Variants in RARB observed in about 807,000 individuals in gnomAD.
RARB encodes the protein retinoic acid receptor beta.
In RARB, 17 loss-of-function variants were observed where a neutral mutation model predicts 51.9. That is an observed-to-expected ratio of 0.33 (90% CI 0.22 to 0.49). The LOEUF (loss-of-function observed/expected upper bound fraction) is 0.49. RARB is among the 20% of genes least tolerant of loss of function. The pLI is 0.99. For missense variants in RARB, 369 were observed against 550.8 expected (o/e 0.67, Z 3.30); for synonymous variants, 215 against 195.4 (o/e 1.10, Z -0.84).
At chr3:25,275,219 T>C (rs1703352521) in intron 5 of RARB, among the ~76,000 whole-genome samples, 1 of 152,036 alleles carries the variant, frequency 6.6e-6, no homozygotes, top group South Asian at 2.1e-4. Context: ...CCCAACACTT[T>C]GGGAGGTCAA....
At chr3:25,518,299 G>C (rs1333395360) in intron 3 of RARB, among the ~76,000 whole-genome samples, 1 of 151,694 alleles carries the variant, frequency 6.6e-6, no homozygotes, top group Non-Finnish European at 1.5e-5. Context: ...AGCTAAAAGG[G>C]GACAAGTTCA....
intron 2 of RARB, among the ~76,000 whole-genome samples, chr3:24,963,879 GC>G (rs554901995): frequency 9.1e-5 from 13 of 142,366 alleles, no homozygotes; most frequent in Non-Finnish European, 2.1e-4. Flanking sequence ...AAGTCCAACT[GC>G]ATTTTGGTAG....
At chr3:25,208,537 C>T (rs1294029674) in intron 5 of RARB, among the ~76,000 whole-genome samples, 2 of 152,052 alleles carry the variant, frequency 1.3e-5, no homozygotes, top group African/African-American at 4.8e-5. Flanking sequence ...AGGATGTTGT[C>T]TCATCCTAAA....
intron 2 of RARB, among the ~76,000 whole-genome samples, chr3:24,921,068 G>C (rs576790181): frequency 6.6e-6 from 1 of 152,122 alleles, no homozygotes; most frequent in Admixed American, 6.6e-5. Context: ...GGTCAAGGTG[G>C]CACCTGTCTG....
intron 5 of RARB, among the ~76,000 whole-genome samples, chr3:25,399,058 C>G (rs1191602218): frequency 2.0e-5 from 3 of 152,264 alleles, no homozygotes; most frequent in Admixed American, 2.0e-4. Context: ...GGGCTCTTTT[C>G]ACTCTACCAT....
At chr3:25,464,657 T>C (rs553775185) in intron 2 of RARB, among the ~76,000 whole-genome samples, 106 of 152,014 alleles carry the variant, frequency 7.0e-4, no homozygotes, top group African/African-American at 2.5e-3. Flanking sequence ...AAATATAACT[T>C]TAAAAAAATT....
chr3:25,277,406 A>G (rs1437158671), intron 5 of RARB, among the ~76,000 whole-genome samples: 1 of 152,218 alleles, frequency 6.6e-6, no homozygotes, highest in East Asian at 1.9e-4. Flanking sequence ...CACTTGCAGA[A>G]GTGGAAAGAC....
At chr3:25,098,278 C>T (rs1490913855) in intron 3 of RARB, among the ~76,000 whole-genome samples, 1 of 152,164 alleles carries the variant, frequency 6.6e-6, no homozygotes, top group Non-Finnish European at 1.5e-5. Flanking sequence ...GCCTACCTTC[C>T]AGAAAGATTT....
At chr3:25,137,840 C>T (rs1457079912) in intron 4 of RARB, among the ~76,000 whole-genome samples, 2 of 152,058 alleles carry the variant, frequency 1.3e-5, no homozygotes, top group African/African-American at 4.8e-5. Context: ...GGCCCACAGC[C>T]ATGACTGAGA....
Position 25,178,115 on chromosome 3 carries a change from G to A in RARB, c.178+3540G>A, listed in dbSNP as rs930476915. On this transcript the variant is annotated intron_variant, in intron 5 of 11. Transcript: ENST00000383772. ...GATCATTTGTGACCACTCACAATTC[G>A]TAGGGGAAGATGTGGCCACTTTTCC... 3.9e-5 allele frequency among the ~76,000 whole-genome samples: 6 copies of A among 152,060 alleles called. No homozygotes were observed. The South Asian group carries it at 8.3e-4, about 21-fold the overall frequency.
intron 5 of RARB, among the ~76,000 whole-genome samples, chr3:25,226,833 C>T (rs570612018): frequency 1.8e-4 from 28 of 152,150 alleles, no homozygotes; most frequent in Non-Finnish European, 3.5e-4. Context: ...ATGTAGGGAG[C>T]TTGGAACTAC....
At chr3:25,356,035 A>G (rs888930956) in intron 5 of RARB, among the ~76,000 whole-genome samples, 1 of 152,146 alleles carries the variant, frequency 6.6e-6, no homozygotes, top group Non-Finnish European at 1.5e-5. Flanking sequence ...TCTATTTGCA[A>G]GTTAATAGAA....
intron 1 of RARB, among the ~76,000 whole-genome samples, chr3:25,453,864 C>T (rs1006566760): frequency 2.6e-5 from 4 of 152,184 alleles, no homozygotes; most frequent in African/African-American, 9.6e-5. Context: ...TCCTCCCTCT[C>T]TAGCCACCCC....
chr3:24,894,071 A>G (rs1285065375), intron 2 of RARB, among the ~76,000 whole-genome samples: 1 of 152,118 alleles, frequency 6.6e-6, no homozygotes, highest in Non-Finnish European at 1.5e-5. Context: ...TTTCCTATAC[A>G]TTTTTAGTCT....
chr3:25,309,114 G>A (rs927983450), intron 5 of RARB, among the ~76,000 whole-genome samples: 14 of 148,094 alleles, frequency 9.5e-5, no homozygotes, highest in East Asian at 5.9e-4. Context: ...TCATTTCTGC[G>A]TGGACTGTGC....
Position 25,428,722 on chromosome 3 carries a change from A to G in RARB, c.-10A>G. ...AAGCACTTTTGCAGACATTCAGTGC[A>G]AGGGAGATCATGTTTGACTGTATGG... On this transcript the variant is annotated 5_prime_UTR_variant, in exon 1 of 8. Transcript: ENST00000330688. 2 of 1,612,920 alleles carry G rather than the reference A, an allele frequency of 1.2e-6. No individual in the cohort carries two copies. Among genetic ancestry groups the G allele is most frequent in the Non-Finnish European group, 1.7e-6 (2 of 1,179,074 alleles).
At chr3:25,275,281 CA>C (rs1476003168) in intron 5 of RARB, among the ~76,000 whole-genome samples, 2 of 152,132 alleles carry the variant, frequency 1.3e-5, no homozygotes, top group Admixed American at 6.5e-5. Flanking sequence ...GGGCACATGG[CA>C]AAACCCTGTC....
chr3:25,130,558 T>C (rs1215629226), intron 3 of RARB, among the ~76,000 whole-genome samples: 1 of 151,960 alleles, frequency 6.6e-6, no homozygotes. Context: ...GCGCACTGCA[T>C]TTTTTTCTCT....
intron 5 of RARB, among the ~76,000 whole-genome samples, chr3:25,409,372 A>G (rs1276036161): frequency 6.6e-6 from 1 of 152,106 alleles, no homozygotes. Flanking sequence ...ATATGCCATC[A>G]TCTGCTGGGG....
Sources: allele counts gnomAD v4.1 joint callset (sites outside exome capture counted in the v4.1 genomes callset), GRCh38; gene constraint gnomAD v4.1.1; transcripts MANE v1.5; gene names NCBI Gene and HGNC (gene_info 2026-07-23, HGNC 2026-07-21).